LPIN3: variants seen among roughly 807,000 people sequenced by gnomAD.
The protein encoded by LPIN3 is phosphatidate phosphatase LPIN3.
Under a neutral mutation model 94.7 loss-of-function variants are expected in LPIN3, and 82 were observed. That is an observed-to-expected ratio of 0.87 (90% CI 0.72 to 1.04). The LOEUF is 1.04. Among genes scored for constraint, LPIN3 ranks in the 50% least tolerant of loss-of-function variants. The probability of loss-of-function intolerance (pLI) is 0.00; values close to 1 mark genes in which losing one functional copy is unlikely to be tolerated. For missense variants in LPIN3, 996 were observed against 1,090.5 expected, an observed-to-expected ratio of 0.91 and a Z score of 1.22; for synonymous variants, 418 against 443.3, an observed-to-expected ratio of 0.94 and a Z score of 0.72.
chr20:41,355,902 G>A lies in LPIN3; in HGVS notation c.1671G>A (p.Lys557=). 6.2e-7 allele frequency: 1 copy of A among 1,614,064 alleles called. No homozygotes were observed. Among genetic ancestry groups the A allele is most frequent in the Non-Finnish European group, 8.5e-7 (1 of 1,179,970 alleles). The change falls in exon 14 of 20, where the codon AAG becomes AAA. Residue 557 remains lysine (K), a synonymous_variant. Coordinates refer to ENST00000373257, the MANE Select transcript of LPIN3 (RefSeq NM_022896.3). ...GAGCCAGTGTGGTCCACAGGGAGAA[G>A]ACAGAAGTCCTGAGCAGTGATGACG... ...KTAAKEQQGE[K]TEVLSSDDDA...
At chr20:41,353,906 T>C (rs76663125) in intron 11 of LPIN3, among the ~76,000 whole-genome samples, 7,672 of 152,240 alleles carry the variant, frequency 0.05, 805 homozygotes, top group East Asian at 0.49. Context: ...GTCCCTTCCC[T>C]GCTTGGATCT....
Position 41,357,973 on chromosome 20 carries a change from T to G in LPIN3, c.2131T>G (p.Cys711Gly). ...CCTGCAGTGGGTGAGCGAGGGGGGC[T>G]GTAGCCTCCCCAAGGGCCCCATCCT... is the stretch of plus-strand genomic sequence containing the variant. The part of the protein sequence containing the change: ...GYLQWVSEGG[C>G]SLPKGPILLS... Residue 711 changes from cysteine (C) to glycine (G), a missense_variant, in exon 17 of 20, where the codon TGT becomes GGT. Physicochemically the swap from Cys to Gly is radical, Grantham distance 159. Coordinates refer to ENST00000373257, the MANE Select transcript of LPIN3 (RefSeq NM_022896.3). 1 of 1,613,192 alleles carries G rather than the reference T, an allele frequency of 6.2e-7. No homozygotes were observed. Among genetic ancestry groups the G allele is most frequent in the Non-Finnish European group, 8.5e-7 (1 of 1,179,652 alleles).
chr20:41,350,724 A>G (rs2045977724), intron 7 of LPIN3, among the ~76,000 whole-genome samples: 1 of 152,140 alleles, frequency 6.6e-6, no homozygotes, highest in South Asian at 2.1e-4. Flanking sequence ...TAGGCAGAGG[A>G]AACAGTATGT....
chr20:41,359,603 T>C lies in LPIN3; in HGVS notation c.*737T>C, dbSNP rs2147027814. The C allele has an allele frequency of 6.6e-6, 1 of 152,346 alleles. No individual in the cohort carries two copies. Among genetic ancestry groups the C allele is most frequent in the Non-Finnish European group, 1.5e-5 (1 of 68,080 alleles). 9.4% of individuals were successfully genotyped at this position (152,346 alleles called of 1,614,324 possible). On this transcript the variant is annotated 3_prime_UTR_variant, in exon 20 of 20. Transcript: ENST00000373257. ...GTACAGCCTCTGGAAGGACACAGTG[T>C]TCTCCCCGCCCCTTGTCTGGGAGCC... is the stretch of plus-strand genomic sequence containing the variant.
chr20:41,357,819 G>C, intron 16 of LPIN3, 63 bp from the exon 17 acceptor site: 1 of 1,603,034 alleles, frequency 6.2e-7, no homozygotes. Flanking sequence ...GCTAAAGCCA[G>C]AGAAACAGAT....
chr20:41,346,449 A>G (rs968719667), intron 2 of LPIN3, among the ~76,000 whole-genome samples: 14 of 152,184 alleles, frequency 9.2e-5, no homozygotes, highest in Non-Finnish European at 1.6e-4. Flanking sequence ...CTCTTAATAA[A>G]TCCACTTCAG....
At position 41,358,255 on chromosome 20, in the gene LPIN3, AC is replaced by A; in HGVS notation, c.2213del (p.Pro738GlnfsTer9). ...ACCCCAGAGAGGTGATCGAGAAGAA[AC>A]CAGAGGTGTTCAAGGTCGCCTGCCT... ...ALHREVIEKK[P>X]EVFKVACLSD... On this transcript the variant is annotated frameshift_variant, in exon 18 of 20. Coordinates refer to ENST00000373257, the MANE Select transcript of LPIN3 (RefSeq NM_022896.3). LOFTEE classifies it high-confidence loss of function. 1 of 1,613,988 alleles carries A rather than the reference AC, an allele frequency of 6.2e-7. No individual in the cohort carries two copies. The highest frequency in any genetic ancestry group is 1.1e-5 in the South Asian group (1 of 91,072).
At chr20:41,346,222 C>T (rs2045771185) in intron 2 of LPIN3, among the ~76,000 whole-genome samples, 1 of 152,212 alleles carries the variant, frequency 6.6e-6, no homozygotes, top group Non-Finnish European at 1.5e-5. Context: ...CAGTAGGGCT[C>T]ATCCCAGTGC....
chr20:41,347,598 T>C lies in LPIN3; in HGVS notation c.239T>C (p.Leu80Pro), dbSNP rs746590635. The change falls in exon 3 of 20, where the codon CTT (leucine) becomes CCT (proline). Residue 80 changes from leucine to proline, a missense_variant. Physicochemically the swap from Leu to Pro is moderately conservative, Grantham distance 98 (BLOSUM62 -3). Coordinates refer to ENST00000373257, the MANE Select transcript of LPIN3 (RefSeq NM_022896.3). Reference sequence around the variant, plus strand: ...GAGCCTGTGGACTTGCACATGAAGCTTGGGGACAGCGGGGAGGCCTTCTTT... The same window carrying C: ...GAGCCTGTGGACTTGCACATGAAGCCTGGGGACAGCGGGGAGGCCTTCTTT... ...NGEPVDLHMK[L>P]GDSGEAFFVQ... is the part of the protein sequence containing the mutation. 2 of 1,614,160 alleles carry C rather than the reference T, an allele frequency of 1.2e-6. No individual in the cohort carries two copies. The highest frequency in any genetic ancestry group is 1.7e-5 in the Admixed American group (1 of 60,024).
rs901047757 is a variant in LPIN3, at chr20:41,349,866, T to A, written c.731T>A (p.Met244Lys). The change falls in exon 6 of 20, where the codon ATG (methionine) becomes AAG (lysine). Residue 244 changes from methionine (M) to lysine (K), a missense_variant. By Grantham distance (95) the Met-to-Lys change is moderately conservative (BLOSUM62 -1). Transcript: ENST00000373257. Reference sequence around the variant, plus strand: ...AGTCCCCTAAGAGCCGAGTCCCACATGCAGTGGGCCTGGGGGAGGCTGCCT... The same window carrying A: ...AGTCCCCTAAGAGCCGAGTCCCACAAGCAGTGGGCCTGGGGGAGGCTGCCT... ...EPSPLRAESH[M>K]QWAWGRLPKV... 8.1e-6 allele frequency: 13 copies of A among 1,613,498 alleles called. No homozygotes were observed. The highest frequency in any genetic ancestry group is 1.1e-5 in the Non-Finnish European group (13 of 1,179,976).
intron 7 of LPIN3, among the ~76,000 whole-genome samples, chr20:41,351,311 T>G (rs1404402263): frequency 2.0e-5 from 3 of 150,704 alleles, no homozygotes; most frequent in Non-Finnish European, 3.0e-5. Flanking sequence ...TTTTTTTTTT[T>G]TTTGAGATGG....
At position 41,358,310 on chromosome 20, in the gene LPIN3, C is replaced by T. The variant is rs1436042204; in HGVS notation, c.2266C>T (p.His756Tyr). The T allele has an allele frequency of 6.2e-7, 1 of 1,614,030 alleles. No individual in the cohort carries two copies. Among genetic ancestry groups the T allele is most frequent in the Admixed American group, 1.7e-5 (1 of 60,008 alleles). The change falls in exon 18 of 20, where the codon CAC becomes TAC. Residue 756 changes from histidine to tyrosine, a missense_variant. Coordinates refer to ENST00000373257, the MANE Select transcript of LPIN3 (RefSeq NM_022896.3). ...TGACATCCAGCAGCTGTTTCTGCCCCACGGACAGCCCTTCTATGCTGCCTT... is the reference window on the plus strand; with the variant it reads ...TGACATCCAGCAGCTGTTTCTGCCCTACGGACAGCCCTTCTATGCTGCCTT... Reference protein sequence around the residue: ...LSDIQQLFLPHGQPFYAAFGN... With the variant: ...LSDIQQLFLPYGQPFYAAFGN...
rs1264897419 is a variant in LPIN3 at position 41,357,172 on chromosome 20, G to A, written c.1936G>A (p.Asp646Asn). The part of the protein sequence containing the change: ...WDDKVVISDI[D>N]GTITKSDALG... ...CGACAAGGTGGTCATCTCTGACATCGACGGCACCATCACCAAGTGAGGCCC... is the reference window on the plus strand; with the variant it reads ...CGACAAGGTGGTCATCTCTGACATCAACGGCACCATCACCAAGTGAGGCCC... Residue 646 changes from aspartate to asparagine, a missense_variant, in exon 15 of 20, where the codon GAC becomes AAC. Coordinates refer to ENST00000373257, the MANE Select transcript of LPIN3 (RefSeq NM_022896.3). 1.9e-6 allele frequency: 3 copies of A among 1,614,044 alleles called. No homozygotes were observed. The highest frequency in any genetic ancestry group is 2.2e-5 in the East Asian group (1 of 44,872).
At chr20:41,344,138 C>A (rs2045687001) in intron 1 of LPIN3, among the ~76,000 whole-genome samples, 1 of 152,094 alleles carries the variant, frequency 6.6e-6, no homozygotes, top group African/African-American at 2.4e-5. Flanking sequence ...GCCTAAGTTT[C>A]TGTTTCTAAC....
chr20:41,354,714 C>A lies in LPIN3; in HGVS notation c.1597C>A (p.Arg533Ser), dbSNP rs926588748. 3 of 1,607,298 alleles carry A rather than the reference C, an allele frequency of 1.9e-6. No individual in the cohort carries two copies. In the African/African-American group the frequency reaches 4.0e-5, roughly 21 times the overall value. The change falls in exon 12 of 20, where the codon CGC (arginine) becomes AGC (serine). Residue 533 changes from arginine (R) to serine (S), a missense_variant. Coordinates refer to ENST00000373257, the MANE Select transcript of LPIN3 (RefSeq NM_022896.3). The stretch of plus-strand genomic sequence containing the variant: ...TGGGCGATGGTGGTTTTCCTGGCGA[C>A]GCAGGGACTTCCTGGCCGAGGAGGT... ...KGGRWWFSWR[R>S]RDFLAEERSA...
rs552504831 is a variant in LPIN3, at chr20:41,354,712, G to A, written c.1595G>A (p.Arg532Gln). ...RKGGRWWFSW[R>Q]RRDFLAEERS... Reference sequence around the variant, plus strand: ...GGTGGGCGATGGTGGTTTTCCTGGCGACGCAGGGACTTCCTGGCCGAGGAG... The same window carrying A: ...GGTGGGCGATGGTGGTTTTCCTGGCAACGCAGGGACTTCCTGGCCGAGGAG... The change falls in exon 12 of 20, where the codon CGA becomes CAA. Residue 532 changes from arginine to glutamine, a missense_variant. Arg to Gln is a conservative substitution (Grantham distance 43, BLOSUM62 1). Coordinates refer to ENST00000373257, the MANE Select transcript of LPIN3 (RefSeq NM_022896.3). 2.0e-5 allele frequency: 32 copies of A among 1,607,480 alleles called. No homozygotes were observed. Among genetic ancestry groups the A allele is most frequent in the Admixed American group, 5.0e-5 (3 of 59,552 alleles).
At chr20:41,348,512 T>G (rs1393550522) in intron 3 of LPIN3, 107 bp from the exon 4 acceptor site, 117 of 1,467,122 alleles carry the variant, frequency 8.0e-5, no homozygotes, top group Middle Eastern at 2.2e-4. Flanking sequence ...TGACCCTAAA[T>G]GAGCTCACTC....
In LPIN3 at chr20:41,352,902, A is replaced by T. The variant is rs762995547; in HGVS notation, c.1527+35A>T. 56 of 1,608,374 alleles carry T rather than the reference A, an allele frequency of 3.5e-5. No individual in the cohort carries two copies. In the Admixed American group the frequency reaches 9.2e-4, roughly 26 times the overall value. Reference sequence around the variant, plus strand: ...AGAGCACCACTGCCCCTGCTGGGGAAGGTAGCCATAGACTCAGGGCACGGA... The same window carrying T: ...AGAGCACCACTGCCCCTGCTGGGGATGGTAGCCATAGACTCAGGGCACGGA... On this transcript the variant is annotated intron_variant, in intron 11 of 19. Transcript: ENST00000373257.
At chr20:41,344,692 A>C (rs750405813) in intron 1 of LPIN3, among the ~76,000 whole-genome samples, 8 of 152,076 alleles carry the variant, frequency 5.3e-5, no homozygotes, top group Non-Finnish European at 1.0e-4. Context: ...CTTTGGGCTT[A>C]CCCAGGCCTG....
Sources: gnomAD v4.1 joint callset for allele counts (sites outside exome capture counted in the v4.1 genomes callset) on GRCh38, gnomAD v4.1.1 for gene constraint, MANE v1.5 for transcripts, NCBI Gene and HGNC (gene_info 2026-07-23, HGNC 2026-07-21) for gene names.